The following PPP1R17 variants were observed in gnomAD, a reference collection of about 807,000 sequenced individuals.
The protein encoded by PPP1R17 is protein phosphatase 1 regulatory subunit 17.
A neutral mutation model predicts 15.9 loss-of-function variants in PPP1R17; 12 were observed. The observed-to-expected ratio is 0.75, with a 90% CI of 0.48 to 1.22. The LOEUF (loss-of-function observed/expected upper bound fraction) is 1.22, where lower values mean the gene tolerates loss of function less well. Among genes scored for constraint, PPP1R17 ranks in the 50% most tolerant of loss-of-function variants. The pLI, the probability that PPP1R17 is intolerant of heterozygous loss-of-function variation, is 0.00. For missense variants in PPP1R17, 211 were observed against 187.3 expected, an observed-to-expected ratio of 1.13 and a Z score of -0.74; for synonymous variants, 63 against 64.5, an observed-to-expected ratio of 0.98 and a Z score of 0.11.
At chr7:31,689,186 C>T (rs539070567) in intron 1 of PPP1R17, among the ~76,000 whole-genome samples, 14 of 152,278 alleles carry the variant, frequency 9.2e-5, no homozygotes, top group African/African-American at 2.9e-4. Context: ...GTCCACGTCC[C>T]TGTGTGAGTG....
chr7:31,692,581 G>T, intron 2 of PPP1R17, 58 bp downstream of exon 2: 1 of 1,508,442 alleles, frequency 6.6e-7, no homozygotes, highest in African/African-American at 1.4e-5. Context: ...AGGCGTCTCA[G>T]CCATTTGGTT....
At chr7:31,692,978 T>A (rs1346600983) in intron 2 of PPP1R17, among the ~76,000 whole-genome samples, 2 of 152,212 alleles carry the variant, frequency 1.3e-5, no homozygotes, top group Non-Finnish European at 2.9e-5. Context: ...TCAATCTGTT[T>A]CCTTTCCAGA....
chr7:31,696,781 A>T (rs1256453890), intron 3 of PPP1R17, among the ~76,000 whole-genome samples, 184 bp from the exon 4 acceptor site: 3 of 152,228 alleles, frequency 2.0e-5, no homozygotes, highest in Non-Finnish European at 4.4e-5. Context: ...TTTTGTATAG[A>T]CAAGGTTCCT....
intron 4 of PPP1R17, among the ~76,000 whole-genome samples, chr7:31,704,199 G>A (rs1792972823): frequency 6.6e-6 from 1 of 152,224 alleles, no homozygotes; most frequent in African/African-American, 2.4e-5. Context: ...GGATCAGGAT[G>A]TCCATTGAAA....
chr7:31,693,627 T>A (rs1215117829), intron 2 of PPP1R17, among the ~76,000 whole-genome samples: 2 of 152,186 alleles, frequency 1.3e-5, no homozygotes, highest in African/African-American at 4.8e-5. Flanking sequence ...GGGATGGTAT[T>A]CATATTTAAC....
intron 1 of PPP1R17, among the ~76,000 whole-genome samples, chr7:31,691,083 T>G (rs756600484): frequency 1.3e-5 from 2 of 152,102 alleles, no homozygotes; most frequent in Non-Finnish European, 2.9e-5. Context: ...GTTGGCAATC[T>G]CTATACAAAC....
chr7:31,692,194 C>G (rs1227150685), intron 1 of PPP1R17, among the ~76,000 whole-genome samples: 1 of 152,128 alleles, frequency 6.6e-6, no homozygotes, highest in East Asian at 1.9e-4. Context: ...ATGAATAAAT[C>G]TGTCAGTGTG....
intron 4 of PPP1R17, among the ~76,000 whole-genome samples, chr7:31,701,198 T>C (rs1792835372): frequency 6.6e-6 from 1 of 152,198 alleles, no homozygotes; most frequent in African/African-American, 2.4e-5. Flanking sequence ...TTAAGAACAT[T>C]TGTGACTCAA....
chr7:31,699,477 A>C (rs894238202), intron 4 of PPP1R17, among the ~76,000 whole-genome samples: 1 of 152,206 alleles, frequency 6.6e-6, no homozygotes, highest in Non-Finnish European at 1.5e-5. Context: ...CTAATTTAAG[A>C]ATAATAGACA....
chr7:31,687,345 T>C (rs914012697), intron 1 of PPP1R17, 39 bp downstream of exon 1: 9 of 152,264 alleles, frequency 5.9e-5, no homozygotes, highest in African/African-American at 1.9e-4. Context: ...ACTTTTGTGG[T>C]GAGAAAAGCA....
At chr7:31,688,861 C>T (rs561624957) in intron 1 of PPP1R17, among the ~76,000 whole-genome samples, 4 of 152,292 alleles carry the variant, frequency 2.6e-5, no homozygotes, top group African/African-American at 7.2e-5. Flanking sequence ...AAGAGTAATT[C>T]GATCAATACT....
chr7:31,707,405 C>T lies in PPP1R17; in HGVS notation c.*122C>T, dbSNP rs575771773. On this transcript the variant is annotated 3_prime_UTR_variant, in exon 5 of 5. Coordinates refer to ENST00000342032, the MANE Select transcript of PPP1R17 (RefSeq NM_006658.5). ...TCGTCTGACTTGAAGATTCAGACACCTTCTCCCCAGGAGATGTATGCCATC... is the reference window on the plus strand; with the variant it reads ...TCGTCTGACTTGAAGATTCAGACACTTTCTCCCCAGGAGATGTATGCCATC... 5.2e-6 allele frequency: 4 copies of T among 771,432 alleles called. No homozygotes were observed. The East Asian group carries it at 8.3e-5, about 16-fold the overall frequency. The allele number at this position is 771,432 out of a possible 1,614,324, so 47.8% of individuals were successfully genotyped here. A position where few individuals can be genotyped will look rare whatever the true frequency, so the allele number is the denominator to read the frequency against.
intron 4 of PPP1R17, among the ~76,000 whole-genome samples, chr7:31,697,875 G>A (rs1237685457): frequency 1.3e-5 from 2 of 152,160 alleles, no homozygotes; most frequent in African/African-American, 4.8e-5. Flanking sequence ...TGCAGACTAA[G>A]AAACAGAGAA....
At chr7:31,702,757 G>A (rs1792906877) in intron 4 of PPP1R17, among the ~76,000 whole-genome samples, 1 of 152,146 alleles carries the variant, frequency 6.6e-6, no homozygotes, top group Non-Finnish European at 1.5e-5. Flanking sequence ...TTGATATCTA[G>A]TCCAATCATT....
At chr7:31,687,333 G>T (rs1014115803) in intron 1 of PPP1R17, 27 bp downstream of exon 1, 2 of 152,290 alleles carry the variant, frequency 1.3e-5, no homozygotes, top group African/African-American at 2.4e-5. Context: ...TTTACTCCAA[G>T]AACTTTTGTG....
intron 4 of PPP1R17, among the ~76,000 whole-genome samples, chr7:31,701,446 T>C (rs920581902): frequency 9.2e-5 from 14 of 152,242 alleles, no homozygotes; most frequent in African/African-American, 3.1e-4. Flanking sequence ...AGAAAATGGT[T>C]TCTTGAGATG....
Position 31,693,491 on chromosome 7 carries a change from C to A in PPP1R17, c.82+968C>A, listed in dbSNP as rs1792444376. Among the ~76,000 whole-genome samples, 3 of 152,184 alleles carry A rather than the reference C, an allele frequency of 2.0e-5. No homozygotes were observed. In the South Asian group the frequency reaches 6.2e-4, roughly 32 times the overall value. On this transcript the variant is annotated intron_variant, in intron 2 of 4. Transcript: ENST00000342032. Reference sequence around the variant, plus strand: ...GGTTTAATCCTGATACCATAACCTGCCAGCAGTGTACCCCTCAGCTTTTTA... The same window carrying A: ...GGTTTAATCCTGATACCATAACCTGACAGCAGTGTACCCCTCAGCTTTTTA...
At chr7:31,691,558 G>A (rs1359171647) in intron 1 of PPP1R17, among the ~76,000 whole-genome samples, 10 of 151,938 alleles carry the variant, frequency 6.6e-5, no homozygotes, top group Admixed American at 5.9e-4. Flanking sequence ...ATCCATTCTG[G>A]AATTCCACTG....
intron 4 of PPP1R17, among the ~76,000 whole-genome samples, chr7:31,697,439 C>T (rs867037221): frequency 1.3e-5 from 2 of 152,162 alleles, no homozygotes; most frequent in Admixed American, 6.5e-5. Context: ...AAGGCTTCCA[C>T]GGATTTTGCG....
Sources: allele counts gnomAD v4.1 joint callset (sites outside exome capture counted in the v4.1 genomes callset), GRCh38; gene constraint gnomAD v4.1.1; transcripts MANE v1.5; gene names NCBI Gene and HGNC (gene_info 2026-07-23, HGNC 2026-07-21).